The following PIDD1 variants were observed in gnomAD, a reference collection of about 807,000 sequenced individuals.
PIDD1 encodes the protein p53-induced death domain protein 1, also known as p53-induced death domain-containing protein 1.
A neutral mutation model predicts 80.0 loss-of-function variants in PIDD1; 72 were observed. The observed-to-expected ratio is 0.90, with a 90% CI of 0.74 to 1.09. The LOEUF is 1.09. Ranked by LOEUF, PIDD1 falls within the 50% of genes least tolerant of loss-of-function variation. The pLI, the probability that PIDD1 is intolerant of heterozygous loss-of-function variation, is 0.00. For synonymous variants in PIDD1, 655 were observed against 543.5 expected, an observed-to-expected ratio of 1.21 and a Z score of -2.85; for missense variants, 1,329 against 1,228.3, an observed-to-expected ratio of 1.08 and a Z score of -1.23.
chr11:809,004 T>G (rs1187477414), upstream of PIDD1, among the ~76,000 whole-genome samples: 2 of 152,204 alleles, frequency 1.3e-5, no homozygotes, highest in Non-Finnish European at 2.9e-5. Flanking sequence ...TGGCTCCTTC[T>G]CATCTCTCAG....
Position 800,822 on chromosome 11 carries a change from G to A in PIDD1, c.1857C>T (p.Ile619=), listed in dbSNP as rs761137992. 19 of 1,563,364 alleles carry A rather than the reference G, an allele frequency of 1.2e-5. No individual in the cohort carries two copies. Among genetic ancestry groups the A allele is most frequent in the South Asian group, 3.5e-5 (3 of 85,462 alleles). The change falls in exon 11 of 16, where the codon ATC becomes ATT. Residue 619 remains isoleucine, a synonymous_variant. Transcript: ENST00000347755. Reference sequence around the variant, plus strand: ...CAGGGTCCCGGCGCCGCTGCAGAGCGATGAGGTTCACACGGTGCAGCCGCA... The same window carrying A: ...CAGGGTCCCGGCGCCGCTGCAGAGCAATGAGGTTCACACGGTGCAGCCGCA... ...ERLRLHRVNL[I]ALQRRRDPEQ...
Position 803,206 on chromosome 11 carries a change from G to T in PIDD1, c.677C>A (p.Ser226Tyr). Residue 226 changes from serine (S) to tyrosine (Y), a missense_variant, in exon 3 of 16, where the codon TCC becomes TAC. Physicochemically the swap from Ser to Tyr is moderately radical, Grantham distance 144 (BLOSUM62 -2). Transcript: ENST00000347755. The stretch of plus-strand genomic sequence containing the variant: ...GGCTGGGAGGCTCTGCAGCCGGTTG[G>T]AGGCCAGGTTGAGCTCCAGGAGGCT... The part of the protein sequence containing the change: ...LGSLLELNLA[S>Y]NRLQSLPASL... 1 of 1,610,448 alleles carries T rather than the reference G, an allele frequency of 6.2e-7. No individual in the cohort carries two copies. Among genetic ancestry groups the T allele is most frequent in the Non-Finnish European group, 8.5e-7 (1 of 1,179,312 alleles).
chr11:804,068 CAGG>C, intron 2 of PIDD1, 23 bp downstream of exon 2: 3 of 1,577,182 alleles, frequency 1.9e-6, no homozygotes, highest in Non-Finnish European at 2.6e-6. Context: ...GAGATGGAGA[CAGG>C]GCCCAGAACA....
chr11:807,817 T>C (rs1865854726), upstream of PIDD1, among the ~76,000 whole-genome samples: 1 of 152,168 alleles, frequency 6.6e-6, no homozygotes, highest in African/African-American at 2.4e-5. Flanking sequence ...TAACTGCTGC[T>C]CCTCAAAGTG....
rs751912805 is a variant in PIDD1 at position 800,616 on chromosome 11, G to A, written c.1968C>T (p.Pro656=). 1 of 1,601,042 alleles carries A rather than the reference G, an allele frequency of 6.2e-7. No individual in the cohort carries two copies. The highest frequency in any genetic ancestry group is 8.5e-7 in the Non-Finnish European group (1 of 1,178,118). The part of the protein sequence containing the change: ...RLLERYRGPE[P]SDTVEMFEGE... Reference sequence around the variant, plus strand: ...CCTCGAACATCTCCACCGTGTCAGAGGGCTCGGGGCCCCGGTACCGCTCCA... The same window carrying A: ...CCTCGAACATCTCCACCGTGTCAGAAGGCTCGGGGCCCCGGTACCGCTCCA... The change falls in exon 12 of 16, where the codon CCC becomes CCT. Residue 656 remains proline (P), a synonymous_variant. Transcript: ENST00000347755.
intron 2 of PIDD1, 109 bp from the exon 3 acceptor site, chr11:803,696 A>G (rs879703756): frequency 2.5e-6 from 3 of 1,204,386 alleles, no homozygotes; most frequent in Non-Finnish European, 3.4e-6. Flanking sequence ...CTCCCACCCC[A>G]CCCCCACCCC....
rs1208046897 is a variant in PIDD1, at chr11:801,475, G to T, written c.1452C>A (p.Ala484=). The stretch of plus-strand genomic sequence containing the variant: ...TGGAGACTCGACGAGGCTCCTCAGT[G>T]GCCCCAGGGGGGAAGATGACTTTGA... The part of the protein sequence containing the change: ...PGVKVIFPPG[A]TEEPRRVSMQ... Residue 484 remains alanine (A), a synonymous_variant, in exon 8 of 16, where the codon GCC becomes GCA. Coordinates refer to ENST00000347755, the MANE Select transcript of PIDD1 (RefSeq NM_145886.4). 1.3e-6 allele frequency: 2 copies of T among 1,543,466 alleles called. No homozygotes were observed. The highest frequency in any genetic ancestry group is 1.9e-5 in the Admixed American group (1 of 51,616).
upstream of PIDD1, among the ~76,000 whole-genome samples, chr11:808,997 C>T (rs1001586172): frequency 5.3e-5 from 8 of 152,186 alleles, no homozygotes; most frequent in African/African-American, 1.9e-4. Flanking sequence ...GCAGGGATGG[C>T]TCCTTCTCAT....
At chr11:805,010 C>T (rs1212306023) in intron 1 of PIDD1, 169 bp downstream of exon 1, 1 of 165,582 alleles carries the variant, frequency 6.0e-6, no homozygotes, top group African/African-American at 2.4e-5. Flanking sequence ...CCAGTTCGGT[C>T]CACTGGGGAG....
chr11:801,990 G>A lies in PIDD1; in HGVS notation c.1277C>T (p.Thr426Ile). 1.2e-6 allele frequency: 2 copies of A among 1,604,190 alleles called. No individual in the cohort carries two copies. Among genetic ancestry groups the A allele is most frequent in the Non-Finnish European group, 1.7e-6 (2 of 1,175,996 alleles). The change falls in exon 7 of 16, where the codon ACC becomes ATC. Residue 426 changes from threonine to isoleucine, a missense_variant. Transcript: ENST00000347755. ...RNDNSWGDLE[T>I]YLEEEAPQRL... ...CTGGGGTGCCTCTTCCTCCAGGTAGGTCTCCAGGTCACCCCAGCTGTTGTC... is the reference window on the plus strand; with the variant it reads ...CTGGGGTGCCTCTTCCTCCAGGTAGATCTCCAGGTCACCCCAGCTGTTGTC...
chr11:799,643 G>C, intron 15 of PIDD1, 78 bp from the exon 16 acceptor site: 1 of 1,481,348 alleles, frequency 6.8e-7, no homozygotes, highest in Non-Finnish European at 9.0e-7. Context: ...CTCGGAGTGT[G>C]GGGGAGTTCC....
At chr11:799,612 G>T in intron 15 of PIDD1, 47 bp from the exon 16 acceptor site, 2 of 1,540,648 alleles carry the variant, frequency 1.3e-6, no homozygotes, top group South Asian at 1.2e-5. Context: ...CACCTGCCCA[G>T]GACCCCCCAC....
intron 2 of PIDD1, 23 bp downstream of exon 2, chr11:804,071 G>A (rs1865593707): frequency 1.3e-6 from 2 of 1,579,956 alleles, no homozygotes; most frequent in African/African-American, 1.3e-5. Flanking sequence ...ATGGAGACAG[G>A]GCCCAGAACA....
Position 803,211 on chromosome 11 carries a change from C to T in PIDD1, c.672G>A (p.Leu224=). 6.2e-7 allele frequency: 1 copy of T among 1,610,876 alleles called. No homozygotes were observed. Residue 224 remains leucine, a synonymous_variant, in exon 3 of 16, where the codon CTG becomes CTA. Transcript: ENST00000347755. ...GGLGSLLELN[L]ASNRLQSLPA... ...GGAGGCTCTGCAGCCGGTTGGAGGC[C>T]AGGTTGAGCTCCAGGAGGCTGCCCA...
chr11:803,673 G>C, intron 2 of PIDD1, 86 bp from the exon 3 acceptor site: 1 of 1,470,718 alleles, frequency 6.8e-7, no homozygotes. Context: ...ACAGCTGCTC[G>C]AGAGGCACAG....
At chr11:803,971 C>T in intron 2 of PIDD1, 123 bp downstream of exon 2, 2 of 1,088,070 alleles carry the variant, frequency 1.8e-6, no homozygotes, top group South Asian at 1.6e-5. Flanking sequence ...ACAGTTCACA[C>T]CTGGGGAGCC....
In PIDD1 at chr11:800,020, G is replaced by A; in HGVS notation, c.2275-6C>T. 1.2e-6 allele frequency: 2 copies of A among 1,612,494 alleles called. No homozygotes were observed. The highest frequency in any genetic ancestry group is 1.7e-5 in the Admixed American group (1 of 60,018). On this transcript the variant is annotated splice_region_variant and splice_polypyrimidine_tract_variant and intron_variant, in intron 14 of 15. Coordinates refer to ENST00000347755, the MANE Select transcript of PIDD1 (RefSeq NM_145886.4). Reference sequence around the variant, plus strand: ...CCCTCGGACCCTCGAAGTCTCTGTTGGAAGGAAAAAGTGCATTAAGCCCTG... The same window carrying A: ...CCCTCGGACCCTCGAAGTCTCTGTTAGAAGGAAAAAGTGCATTAAGCCCTG...
rs1220272812 is a variant in PIDD1 at position 800,983 on chromosome 11, A to C, written c.1766+2T>G. 2 of 1,603,618 alleles carry C rather than the reference A, an allele frequency of 1.2e-6. No individual in the cohort carries two copies. The highest frequency in any genetic ancestry group is 1.7e-6 in the Non-Finnish European group (2 of 1,175,720). On this transcript the variant is annotated splice_donor_variant, in intron 10 of 15. Coordinates refer to ENST00000347755, the MANE Select transcript of PIDD1 (RefSeq NM_145886.4). LOFTEE classifies it high-confidence loss of function. ...GGGCTGAGAAAGCTGGGGGGCACTG[A>C]CCAGGAGAAGTGTGTGACCTGGAAG... is the stretch of plus-strand genomic sequence containing the variant.
chr11:806,582 C>CTT (rs367814833), upstream of PIDD1, among the ~76,000 whole-genome samples: 2 of 144,040 alleles, frequency 1.4e-5, no homozygotes, highest in Non-Finnish European at 1.5e-5. Flanking sequence ...CTGGAGGGAT[C>CTT]TTTTTTTTTT....
Sources: allele counts gnomAD v4.1 joint callset (sites outside exome capture counted in the v4.1 genomes callset), GRCh38; gene constraint gnomAD v4.1.1; transcripts MANE v1.5; gene names NCBI Gene and HGNC (gene_info 2026-07-23, HGNC 2026-07-21).